The following CLPX variants were observed in gnomAD, a reference collection of about 807,000 sequenced individuals.
The protein encoded by CLPX is ATP-dependent clpX-like chaperone, mitochondrial.
In CLPX, 34 loss-of-function variants were observed where a neutral mutation model predicts 76.4. The ratio of observed to expected loss-of-function variants is 0.45; its 90% confidence interval spans 0.34 to 0.59. The LOEUF (loss-of-function observed/expected upper bound fraction) is 0.59. Among genes scored for constraint, CLPX ranks in the 20% least tolerant of loss-of-function variants. The pLI is 0.01. For missense variants in CLPX, 613 were observed against 757.0 expected (o/e 0.81, Z 2.23); for synonymous variants, 248 against 270.9 (o/e 0.92, Z 0.83).
intron 4 of CLPX, 106 bp downstream of exon 4, chr15:65,166,525 T>C (rs1412773464): frequency 5.0e-6 from 6 of 1,195,484 alleles, no homozygotes; most frequent in East Asian, 4.7e-5. Flanking sequence ...GAACCTATAA[T>C]ACTTGTTTAT....
At chr15:65,158,046 T>C in intron 7 of CLPX, 136 bp from the exon 8 acceptor site, 1 of 699,324 alleles carries the variant, frequency 1.4e-6, no homozygotes, top group Non-Finnish European at 2.2e-6. Flanking sequence ...GCTATTATTT[T>C]TTTTAGAGAC....
intron 12 of CLPX, among the ~76,000 whole-genome samples, chr15:65,152,954 C>G (rs1019222510): frequency 6.6e-6 from 1 of 150,872 alleles, no homozygotes; most frequent in Non-Finnish European, 1.5e-5. Context: ...GTGTATGTTG[C>G]CCAGGCTGGT....
rs1381823181 is a variant in CLPX at position 65,150,943 on chromosome 15, A to T, written c.1812-30T>A. 5 of 1,480,846 alleles carry T rather than the reference A, an allele frequency of 3.4e-6. No individual in the cohort carries two copies. The East Asian group carries it at 6.8e-5, about 20-fold the overall frequency. The allele number at this position is 1,480,846 out of a possible 1,614,324, so 91.7% of individuals were successfully genotyped here. On this transcript the variant is annotated intron_variant, in intron 13 of 13. Transcript: ENST00000300107. ...AATGAAAAGCCATGTTTGTTTTTTT[A>T]AAATAAAAAATGGAGGTAAACATGA...
chr15:65,153,769 T>C, intron 11 of CLPX, 130 bp from the exon 12 acceptor site: 1 of 562,180 alleles, frequency 1.8e-6, no homozygotes, highest in Non-Finnish European at 3.1e-6. Context: ...CTTGTTTCTA[T>C]CAATCCATGA....
chr15:65,169,490 G>A (rs1417629787), intron 3 of CLPX, among the ~76,000 whole-genome samples: 2 of 151,990 alleles, frequency 1.3e-5, no homozygotes, highest in Non-Finnish European at 2.9e-5. Context: ...AGGCCAAGAC[G>A]GGTGGATCAC....
chr15:65,159,566 C>T lies in CLPX; in HGVS notation c.716-815G>A, dbSNP rs529788713. On this transcript the variant is annotated intron_variant, in intron 6 of 13. Coordinates refer to ENST00000300107, the MANE Select transcript of CLPX (RefSeq NM_006660.5). ...CGGGGGTTGCAGTGAGCCAAGATCACGCCACTGCACTCCAGCCTGGGCAAC... is the reference window on the plus strand; with the variant it reads ...CGGGGGTTGCAGTGAGCCAAGATCATGCCACTGCACTCCAGCCTGGGCAAC... Among the ~76,000 whole-genome samples the T allele has an allele frequency of 9.9e-5, 15 of 151,922 alleles. 1 individual carries two copies. Among genetic ancestry groups the T allele is most frequent in the African/African-American group, 2.7e-4 (11 of 41,432 alleles).
At chr15:65,181,948 C>G (rs2088179375) in intron 1 of CLPX, among the ~76,000 whole-genome samples, 1 of 150,888 alleles carries the variant, frequency 6.6e-6, no homozygotes, top group Non-Finnish European at 1.5e-5. Flanking sequence ...ACGGTGCAAC[C>G]CCATCTCTAC....
At chr15:65,180,023 C>T in intron 2 of CLPX, 21 bp downstream of exon 2, 2 of 1,567,616 alleles carry the variant, frequency 1.3e-6, no homozygotes, top group Non-Finnish European at 8.7e-7. Context: ...TGTACAGATG[C>T]CAATAAGATA....
At chr15:65,158,039 A>T in intron 7 of CLPX, 129 bp from the exon 8 acceptor site, 2 of 739,734 alleles carry the variant, frequency 2.7e-6, no homozygotes, top group Non-Finnish European at 4.1e-6. Context: ...TTCCTCTGCT[A>T]TTATTTTTTT....
rs188370318 is a variant in CLPX, at chr15:65,169,969, C to T, written c.359-3184G>A. Among the ~76,000 whole-genome samples, 49 of 151,992 alleles carry T rather than the reference C, an allele frequency of 3.2e-4. No individual in the cohort carries two copies. In the East Asian group the frequency reaches 8.8e-3, roughly 27 times the overall value. ...AGAGATGGGGTTTGACCATGTTGGT[C>T]AGGCTGGTCTCAAATTCCTGACCTC... On this transcript the variant is annotated intron_variant, in intron 3 of 13. Coordinates refer to ENST00000300107, the MANE Select transcript of CLPX (RefSeq NM_006660.5).
intron 1 of CLPX, 74 bp from the exon 2 acceptor site, chr15:65,180,278 G>A: frequency 4.4e-6 from 5 of 1,146,554 alleles, no homozygotes; most frequent in Non-Finnish European, 6.1e-6. Flanking sequence ...AATTCCTTGA[G>A]CATAAAGGAG....
chr15:65,155,950 G>GC, intron 9 of CLPX, 94 bp from the exon 10 acceptor site: 1 of 1,104,490 alleles, frequency 9.1e-7, no homozygotes, highest in Non-Finnish European at 1.3e-6. Context: ...AACAATATGT[G>GC]ATTATAGTCA....
intron 3 of CLPX, among the ~76,000 whole-genome samples, chr15:65,175,929 G>C (rs2088085734): frequency 2.0e-5 from 3 of 152,162 alleles, no homozygotes; most frequent in Non-Finnish European, 4.4e-5. Context: ...CAAATAGTTA[G>C]AGGACAGGGA....
chr15:65,158,986 A>G (rs1255574076), intron 6 of CLPX, among the ~76,000 whole-genome samples: 1 of 152,190 alleles, frequency 6.6e-6, no homozygotes, highest in Non-Finnish European at 1.5e-5. Context: ...TACTGTCCTT[A>G]TTTATATAAA....
chr15:65,152,682 G>GGATTATATATATAAACATATATAT (rs2087737911), intron 12 of CLPX, 146 bp from the exon 13 acceptor site: 1 of 197,870 alleles, frequency 5.1e-6, no homozygotes, highest in African/African-American at 2.4e-5. Flanking sequence ...CATATATATG[G>GGATTATATATATAAACATATATAT]GATTATATAT....
chr15:65,179,370 A>G (rs1170257099), intron 2 of CLPX, among the ~76,000 whole-genome samples: 1 of 152,218 alleles, frequency 6.6e-6, no homozygotes, highest in Non-Finnish European at 1.5e-5. Flanking sequence ...TTTCAATGAA[A>G]TTGAATCAGG....
At position 65,156,854 on chromosome 15, in the gene CLPX, C is replaced by T; in HGVS notation, c.1136G>A (p.Gly379Asp). The change falls in exon 9 of 14, where the codon GGC becomes GAC. Residue 379 changes from glycine to aspartate, a missense_variant. Transcript: ENST00000300107. ...IHQLRDVGGE[G>D]VQQGLLKLLE... ...TACTCAACTGCTTACTTGCTGAACG[C>T]CTTCTCCACCTACATCCCGTAATTG... The T allele has an allele frequency of 6.2e-7, 1 of 1,611,872 alleles. No homozygotes were observed.
chr15:65,184,494 C>A (rs1329286486), intron 1 of CLPX: 1 of 152,462 alleles, frequency 6.6e-6, no homozygotes, highest in Non-Finnish European at 1.5e-5. Flanking sequence ...TGCCTGACGC[C>A]GGGAAGTATT....
chr15:65,182,954 G>C (rs963857080), intron 1 of CLPX, among the ~76,000 whole-genome samples: 1 of 147,294 alleles, frequency 6.8e-6, no homozygotes, highest in Non-Finnish European at 1.5e-5. Context: ...CTGGGGTCCA[G>C]GAGTTGGAGT....
Sources: allele counts gnomAD v4.1 joint callset (sites outside exome capture counted in the v4.1 genomes callset), GRCh38; gene constraint gnomAD v4.1.1; transcripts MANE v1.5; gene names NCBI Gene and HGNC (gene_info 2026-07-23, HGNC 2026-07-21).